The following DHX34 variants were observed in gnomAD, a reference collection of about 807,000 sequenced individuals.
DHX34 encodes DExH-box helicase 34, also known as probable ATP-dependent RNA helicase DHX34.
A neutral mutation model predicts 111.1 loss-of-function variants in DHX34; 96 were observed. That is an observed-to-expected ratio of 0.86 (90% CI 0.73 to 1.02). The LOEUF (loss-of-function observed/expected upper bound fraction) is 1.02, where lower values mean the gene tolerates loss of function less well. DHX34 is among the 50% of genes least tolerant of loss of function. DHX34 has a pLI of 0.00. For synonymous variants in DHX34, 688 were observed against 670.4 expected, an observed-to-expected ratio of 1.03 and a Z score of -0.41; for missense variants, 1,560 against 1,579.9, an observed-to-expected ratio of 0.99 and a Z score of 0.21.
chr19:47,356,173 C>G (rs1969452069), intron 3 of DHX34, among the ~76,000 whole-genome samples: 1 of 152,188 alleles, frequency 6.6e-6, no homozygotes, highest in Non-Finnish European at 1.5e-5. Context: ...TGTCTCCAGA[C>G]ATTGCCATAT....
intron 1 of DHX34, among the ~76,000 whole-genome samples, chr19:47,351,851 C>T (rs371670464): frequency 2.0e-4 from 31 of 152,062 alleles, no homozygotes; most frequent in African/African-American, 7.2e-4. Flanking sequence ...TCTTAAAGGC[C>T]CTCAGAACCA....
chr19:47,372,831 A>G lies in DHX34; in HGVS notation c.1870A>G (p.Ser624Gly). 1 of 1,612,440 alleles carries G rather than the reference A, an allele frequency of 6.2e-7. No individual in the cohort carries two copies. The highest frequency in any genetic ancestry group is 1.1e-5 in the South Asian group (1 of 91,066). Reference protein sequence around the residue: ...VQSPFTRSAQSSPECAAARRP... With the variant: ...VQSPFTRSAQGSPECAAARRP... The stretch of plus-strand genomic sequence containing the variant: ...GTCGCCCTTCACCCGCAGCGCCCAG[A>G]GCAGCCCAGAGTGCGCGGCAGCACG... The change falls in exon 8 of 17, where the codon AGC becomes GGC. Residue 624 changes from serine to glycine, a missense_variant. Transcript: ENST00000328771.
Position 47,357,887 on chromosome 19 carries a change from G to A in DHX34, c.1039G>A (p.Ala347Thr). The A allele has an allele frequency of 1.2e-6, 2 of 1,613,700 alleles. No individual in the cohort carries two copies. Among genetic ancestry groups the A allele is most frequent in the Non-Finnish European group, 1.7e-6 (2 of 1,179,866 alleles). ...TCAGGTTGTGTACCAGCCGCAGGAG[G>A]CGGAGCCGACCACGTCCAAGTCAGA... ...PITVVYQPQE[A>T]EPTTSKSEKL... The change falls in exon 4 of 17, where the codon GCG becomes ACG. Residue 347 changes from alanine to threonine, a missense_variant. Coordinates refer to ENST00000328771, the MANE Select transcript of DHX34 (RefSeq NM_014681.6).
chr19:47,379,697 C>T lies in DHX34; in HGVS notation c.2707-13C>T. ...TCCCACCTACTCCCTGTCTTCTGCC[C>T]CCTCTCTTTCAGTCCCTCCTGCTTT... On this transcript the variant is annotated splice_polypyrimidine_tract_variant and intron_variant, in intron 13 of 16. Coordinates refer to ENST00000328771, the MANE Select transcript of DHX34 (RefSeq NM_014681.6). The T allele has an allele frequency of 6.3e-7, 1 of 1,585,810 alleles. No individual in the cohort carries two copies.
Position 47,382,005 on chromosome 19 carries a change from C to T in DHX34, c.3324C>T (p.Thr1108=). ...GGGCTGAGGAAGCTGCCCTCGAAACCCTCCAGAAGACATCTGTCCTGCAGA... is the reference window on the plus strand; with the variant it reads ...GGGCTGAGGAAGCTGCCCTCGAAACTCTCCAGAAGACATCTGTCCTGCAGA... ...PPGAEEAALE[T]LQKTSVLQRP... The change falls in exon 17 of 17, where the codon ACC becomes ACT. Residue 1108 remains threonine, a synonymous_variant. Transcript: ENST00000328771. 1 of 1,614,118 alleles carries T rather than the reference C, an allele frequency of 6.2e-7. No homozygotes were observed. The highest frequency in any genetic ancestry group is 8.5e-7 in the Non-Finnish European group (1 of 1,179,994).
At chr19:47,375,784 C>A in intron 10 of DHX34, 76 bp downstream of exon 10, 1 of 1,561,868 alleles carries the variant, frequency 6.4e-7, no homozygotes, top group Non-Finnish European at 8.6e-7. Context: ...TCCCAGGGGA[C>A]ATGGCCCTGT....
chr19:47,373,799 C>G, intron 9 of DHX34, 99 bp downstream of exon 9: 6 of 1,433,976 alleles, frequency 4.2e-6, no homozygotes, highest in Non-Finnish European at 5.7e-6. Flanking sequence ...GTGGTCAGAC[C>G]AGAATCCCAC....
At position 47,382,358 on chromosome 19, in the gene DHX34, C is replaced by T. The variant is rs1970395023; in HGVS notation, c.*245C>T. On this transcript the variant is annotated 3_prime_UTR_variant, in exon 17 of 17. Transcript: ENST00000328771. The stretch of plus-strand genomic sequence containing the variant: ...TCCTCCCCAGGGTCTAGCTTTCCTT[C>T]TTCCTGCTGCAGGGTGCTGCCTGAG... The T allele has an allele frequency of 3.1e-6, 2 of 648,914 alleles. No homozygotes were observed. The highest frequency in any genetic ancestry group is 1.8e-5 in the African/African-American group (1 of 54,428). 40.2% of individuals were successfully genotyped at this position (648,914 alleles called of 1,614,324 possible). A position where few individuals can be genotyped will look rare whatever the true frequency, so the allele number is the denominator to read the frequency against.
rs530061784 is a variant in DHX34 at position 47,350,123 on chromosome 19, T to C, written c.-278+771T>C. On this transcript the variant is annotated intron_variant, in intron 1 of 16. Transcript: ENST00000328771. ...AGGTCTGTGTGTTAATGTGAGTAAGTAAGCATGAGCTATTACTAAAGCTTC... is the reference window on the plus strand; with the variant it reads ...AGGTCTGTGTGTTAATGTGAGTAAGCAAGCATGAGCTATTACTAAAGCTTC... 1.9e-3 allele frequency among the ~76,000 whole-genome samples: 283 copies of C among 152,220 alleles called. 1 individual carries two copies. Among genetic ancestry groups the C allele is most frequent in the Non-Finnish European group, 2.8e-3 (191 of 68,014 alleles).
intron 1 of DHX34, among the ~76,000 whole-genome samples, chr19:47,351,165 CTTTTTCTTTTTT>C (rs567187202): frequency 1.8e-4 from 23 of 128,140 alleles, no homozygotes; most frequent in African/African-American, 6.3e-4. Flanking sequence ...CTCTCATTTT[CTTTTTCTTTTTT>C]TTTTTTTTTT....
intron 13 of DHX34, among the ~76,000 whole-genome samples, chr19:47,378,235 C>G (rs1227562612): frequency 6.6e-6 from 1 of 152,172 alleles, no homozygotes; most frequent in Non-Finnish European, 1.5e-5. Context: ...GCCAGCTCAG[C>G]TCAGTCACTT....
At chr19:47,378,660 T>C (rs965615560) in intron 13 of DHX34, among the ~76,000 whole-genome samples, 17 of 145,158 alleles carry the variant, frequency 1.2e-4, no homozygotes, top group African/African-American at 4.2e-4. Context: ...GGAGACTCTA[T>C]CTATCTCTAC....
chr19:47,380,060 G>A, intron 14 of DHX34, 75 bp downstream of exon 14: 1 of 1,489,130 alleles, frequency 6.7e-7, no homozygotes, highest in East Asian at 2.4e-5. Flanking sequence ...GCCTCGGGAA[G>A]GCCTGGCTTC....
At chr19:47,351,599 ACT>A (rs1372242991) in intron 1 of DHX34, among the ~76,000 whole-genome samples, 1 of 151,914 alleles carries the variant, frequency 6.6e-6, no homozygotes, top group Non-Finnish European at 1.5e-5. Flanking sequence ...TTTAGGAAAG[ACT>A]CTGTCATGTT....
intron 7 of DHX34, among the ~76,000 whole-genome samples, chr19:47,370,642 C>A (rs1969935591): frequency 6.6e-6 from 1 of 151,972 alleles, no homozygotes; most frequent in African/African-American, 2.4e-5. Context: ...TGGAGGGCTG[C>A]CCAGGCTAAG....
At chr19:47,351,719 G>A (rs1014504719) in intron 1 of DHX34, among the ~76,000 whole-genome samples, 2 of 152,152 alleles carry the variant, frequency 1.3e-5, no homozygotes, top group Non-Finnish European at 2.9e-5. Flanking sequence ...CCACAAAAGG[G>A]CCCTGATTGG....
At chr19:47,367,689 A>G (rs1431398004) in intron 7 of DHX34, among the ~76,000 whole-genome samples, 1 of 152,124 alleles carries the variant, frequency 6.6e-6, no homozygotes, top group Non-Finnish European at 1.5e-5. Flanking sequence ...GCAGTTCGAG[A>G]CCAGCCTGGC....
At chr19:47,379,330 C>T (rs1970275223) in intron 13 of DHX34, among the ~76,000 whole-genome samples, 1 of 143,434 alleles carries the variant, frequency 7.0e-6, no homozygotes, top group Non-Finnish European at 1.6e-5. Context: ...TGAGCCACAG[C>T]ACTGGTAATT....
chr19:47,374,013 TTGGCCGGCACATC>T (rs1219445844), intron 9 of DHX34, among the ~76,000 whole-genome samples: 2 of 152,150 alleles, frequency 1.3e-5, no homozygotes, highest in South Asian at 2.1e-4. Flanking sequence ...ACGGTTGTGG[TTGGCCGGCACATC>T]TGGAGCCAGA....
Sources: allele counts gnomAD v4.1 joint callset (sites outside exome capture counted in the v4.1 genomes callset), GRCh38; gene constraint gnomAD v4.1.1; transcripts MANE v1.5; gene names NCBI Gene and HGNC (gene_info 2026-07-23, HGNC 2026-07-21).